PLA2G4A: variants seen among roughly 807,000 people sequenced by gnomAD.
The protein encoded by PLA2G4A is phospholipase A2 group IVA.
Under a neutral mutation model 81.9 loss-of-function variants are expected in PLA2G4A, and 40 were observed. The ratio of observed to expected loss-of-function variants is 0.49; its 90% CI spans 0.38 to 0.64. The LOEUF is 0.64. Ranked by LOEUF, PLA2G4A falls within the 30% of genes least tolerant of loss-of-function variation. The probability of loss-of-function intolerance (pLI) is 0.00; values close to 1 mark genes in which losing one functional copy is unlikely to be tolerated. For synonymous variants in PLA2G4A, 302 were observed against 296.9 expected, an observed-to-expected ratio of 1.02 and a Z score of -0.18; for missense variants, 715 against 905.1, an observed-to-expected ratio of 0.79 and a Z score of 2.69.
intron 7 of PLA2G4A, among the ~76,000 whole-genome samples, chr1:186,914,063 A>G (rs1236201433): frequency 6.6e-6 from 1 of 151,072 alleles, no homozygotes; most frequent in East Asian, 1.9e-4. Flanking sequence ...CTTCTCTTCA[A>G]TCCTGCATCT....
rs79040632 is a variant in PLA2G4A, at chr1:186,904,793, G to A, written c.379-2172G>A. On this transcript the variant is annotated intron_variant, in intron 5 of 17. Transcript: ENST00000367466. ...GGAGAAGACAAATTTGACTATAAATGCAGCATTGTTGATTTTCCTTTTATT... is the reference window on the plus strand; with the variant it reads ...GGAGAAGACAAATTTGACTATAAATACAGCATTGTTGATTTTCCTTTTATT... Among the ~76,000 whole-genome samples, 1,207 of 152,286 alleles carry A rather than the reference G, an allele frequency of 7.9e-3. 7 individuals carry two copies. Among genetic ancestry groups the A allele is most frequent in the Non-Finnish European group, 0.013 (866 of 68,022 alleles).
intron 1 of PLA2G4A, among the ~76,000 whole-genome samples, chr1:186,838,056 G>A (rs1651852172): frequency 1.3e-5 from 2 of 152,258 alleles, no homozygotes; most frequent in South Asian, 4.1e-4. Context: ...GGGAGTTGGG[G>A]TGGGGTGAGA....
intron 3 of PLA2G4A, among the ~76,000 whole-genome samples, chr1:186,883,188 T>C (rs956252023): frequency 2.0e-5 from 3 of 152,102 alleles, no homozygotes; most frequent in African/African-American, 7.2e-5. Flanking sequence ...CTGACATTTA[T>C]GTGCAAGGCA....
chr1:186,987,594 C>T (rs561155978), intron 17 of PLA2G4A, among the ~76,000 whole-genome samples: 1 of 152,138 alleles, frequency 6.6e-6, no homozygotes, highest in East Asian at 1.9e-4. Flanking sequence ...ACTATTCAGG[C>T]CTTCTTCCAA....
At chr1:186,945,384 A>G (rs1297249078) in intron 10 of PLA2G4A, among the ~76,000 whole-genome samples, 3 of 152,118 alleles carry the variant, frequency 2.0e-5, no homozygotes, top group Non-Finnish European at 4.4e-5. Context: ...TTTTATTTTC[A>G]GTGTAATGGG....
At chr1:186,830,418 G>A (rs1363726330) in intron 1 of PLA2G4A, among the ~76,000 whole-genome samples, 1 of 151,790 alleles carries the variant, frequency 6.6e-6, no homozygotes, top group African/African-American at 2.4e-5. Flanking sequence ...GACCAGCCTG[G>A]CCAACGTGGT....
chr1:186,882,524 T>C (rs1245731289), intron 3 of PLA2G4A, among the ~76,000 whole-genome samples: 2 of 150,984 alleles, frequency 1.3e-5, no homozygotes, highest in Admixed American at 6.6e-5. Context: ...ATGTGTAGAT[T>C]CCAAAGATGC....
Position 186,939,202 on chromosome 1 carries a change from T to A in PLA2G4A, c.890T>A (p.Met297Lys). Residue 297 changes from methionine to lysine, a missense_variant, in exon 9 of 18, where the codon ATG becomes AAG. By Grantham distance (95) the Met-to-Lys change is moderately conservative. Transcript: ENST00000367466. ...GTCACCTTTACTGATATCTTTGGGA[T>A]GTTAATAGGAGAAACACTAATTCAT... ...QPVTFTDIFG[M>K]LIGETLIHNR... The A allele has an allele frequency of 6.3e-7, 1 of 1,590,710 alleles. No individual in the cohort carries two copies. The highest frequency in any genetic ancestry group is 8.6e-7 in the Non-Finnish European group (1 of 1,158,854).
In PLA2G4A at chr1:186,844,974, C is replaced by A. The variant is rs1447510484; in HGVS notation, c.-69-9312C>A. The stretch of plus-strand genomic sequence containing the variant: ...ACTGTAATCCCCCAACTTTGGGAGG[C>A]CAAGGCAGGTGGATCACTTGAGGTC... On this transcript the variant is annotated intron_variant, in intron 1 of 17. Transcript: ENST00000367466. Among the ~76,000 whole-genome samples the A allele has an allele frequency of 2.0e-5, 3 of 152,218 alleles. No individual in the cohort carries two copies. In the East Asian group the frequency reaches 5.8e-4, roughly 29 times the overall value.
intron 2 of PLA2G4A, among the ~76,000 whole-genome samples, chr1:186,856,053 T>C (rs1652538497): frequency 6.6e-6 from 1 of 151,864 alleles, no homozygotes; most frequent in Non-Finnish European, 1.5e-5. Flanking sequence ...ATTTTGCCAA[T>C]TTACACACAC....
chr1:186,830,608 CAAAA>C (rs55745208), intron 1 of PLA2G4A, among the ~76,000 whole-genome samples: 1 of 72,690 alleles, frequency 1.4e-5, no homozygotes, highest in Non-Finnish European at 2.6e-5. Context: ...AGCTCTGTCT[CAAAA>C]AAAAAAAAAA....
In PLA2G4A at chr1:186,869,678, G is replaced by GGGAA. The variant is rs1476018424; in HGVS notation, c.34-755_34-752dup. ...AGTTAAGCAAGCCTACTAAAATTAA[G>GGGAA]GGAAGTGAACTCTCCTAAGATTAAA... On this transcript the variant is annotated intron_variant, in intron 2 of 17. Transcript: ENST00000367466. Among the ~76,000 whole-genome samples the GGGAA allele has an allele frequency of 2.0e-5, 3 of 152,196 alleles. 1 individual carries two copies. The highest frequency in any genetic ancestry group is 4.1e-4 in the South Asian group (2 of 4,820).
chr1:186,977,121 A>G (rs1318739204), intron 15 of PLA2G4A, among the ~76,000 whole-genome samples: 2 of 152,250 alleles, frequency 1.3e-5, no homozygotes, highest in African/African-American at 4.8e-5. Flanking sequence ...AGAGTAACTC[A>G]AATATTTTTG....
rs1387278007 is a variant in PLA2G4A at position 186,946,745 on chromosome 1, A to G, written c.1142A>G (p.Tyr381Cys). ...KFFMGTVVKK[Y>C]EENPLHFLMG... ...TTTATGGGAACAGTCGTTAAGAAGTATGAAGAAAACCCCTTGCATTTCTTA... is the reference window on the plus strand; with the variant it reads ...TTTATGGGAACAGTCGTTAAGAAGTGTGAAGAAAACCCCTTGCATTTCTTA... Residue 381 changes from tyrosine to cysteine, a missense_variant, in exon 11 of 18, where the codon TAT (tyrosine) becomes TGT (cysteine). Transcript: ENST00000367466. 18 of 1,612,080 alleles carry G rather than the reference A, an allele frequency of 1.1e-5. No homozygotes were observed. Among genetic ancestry groups the G allele is most frequent in the Non-Finnish European group, 1.5e-5 (18 of 1,178,512 alleles).
intron 3 of PLA2G4A, among the ~76,000 whole-genome samples, chr1:186,874,222 T>C (rs1653387624): frequency 6.6e-6 from 1 of 152,092 alleles, no homozygotes; most frequent in Non-Finnish European, 1.5e-5. Context: ...GTTTGCAGAA[T>C]GGCTGCAGTG....
intron 10 of PLA2G4A, among the ~76,000 whole-genome samples, chr1:186,946,416 A>T (rs986149418): frequency 5.3e-5 from 8 of 149,980 alleles, no homozygotes; most frequent in Non-Finnish European, 1.2e-4. Context: ...ATTAGAAGGG[A>T]TCTTTTTGTA....
chr1:186,867,285 A>G (rs1193813192), intron 2 of PLA2G4A, among the ~76,000 whole-genome samples: 4 of 152,136 alleles, frequency 2.6e-5, no homozygotes, highest in Non-Finnish European at 4.4e-5. Context: ...TATAGATCAC[A>G]TTGGAAAGAA....
rs1261836640 is a variant in PLA2G4A at position 186,906,951 on chromosome 1, A to G, written c.379-14A>G. ...TACTTTATGACCTAATCTGATTAAC[A>G]TGTCTTTTTTTAGGTCACTGAAATG... On this transcript the variant is annotated splice_polypyrimidine_tract_variant and intron_variant, in intron 5 of 17. Coordinates refer to ENST00000367466, the MANE Select transcript of PLA2G4A (RefSeq NM_024420.3). 2 of 1,408,140 alleles carry G rather than the reference A, an allele frequency of 1.4e-6. No homozygotes were observed. Among genetic ancestry groups the G allele is most frequent in the Non-Finnish European group, 2.0e-6 (2 of 993,528 alleles). The allele number at this position is 1,408,140 out of a possible 1,614,324, so 87.2% of individuals were successfully genotyped here. A position where few individuals can be genotyped will look rare whatever the true frequency, so the allele number is the denominator to read the frequency against.
chr1:186,911,269 T>G lies in PLA2G4A; in HGVS notation c.438T>G (p.Phe146Leu). The G allele has an allele frequency of 6.2e-7, 1 of 1,612,956 alleles. No homozygotes were observed. Among genetic ancestry groups the G allele is most frequent in the Non-Finnish European group, 8.5e-7 (1 of 1,178,944 alleles). ...LEVCSCPDLR[F>L]SMALCDQEKT... is the part of the protein sequence containing the mutation. ...ACAGCTCATGCCCAGACCTACGATTTAGTATGGCTCTGTGTGATCAGGAGA... is the reference window on the plus strand; with the variant it reads ...ACAGCTCATGCCCAGACCTACGATTGAGTATGGCTCTGTGTGATCAGGAGA... Residue 146 changes from phenylalanine (F) to leucine (L), a missense_variant, in exon 7 of 18, where the codon TTT becomes TTG. Coordinates refer to ENST00000367466, the MANE Select transcript of PLA2G4A (RefSeq NM_024420.3).
Sources: allele counts gnomAD v4.1 joint callset (sites outside exome capture counted in the v4.1 genomes callset), GRCh38; gene constraint gnomAD v4.1.1; transcripts MANE v1.5; gene names NCBI Gene and HGNC (gene_info 2026-07-23, HGNC 2026-07-21).